Variants in SDCCAG8 observed in about 807,000 individuals in gnomAD.
The protein encoded by SDCCAG8 is serologically defined colon cancer antigen 8.
In SDCCAG8, 74 loss-of-function variants were observed where a neutral mutation model predicts 101.8. The ratio of observed to expected loss-of-function variants is 0.73; its 90% CI spans 0.60 to 0.88. SDCCAG8 has a LOEUF of 0.88. Among genes scored for constraint, SDCCAG8 ranks in the 40% least tolerant of loss-of-function variants. The pLI, the probability that SDCCAG8 is intolerant of heterozygous loss-of-function variation, is 0.00. For synonymous variants in SDCCAG8, 281 were observed against 292.9 expected (o/e 0.96, Z 0.41); for missense variants, 787 against 822.6 (o/e 0.96, Z 0.53).
chr1:243,379,047 G>A (rs1269373588), intron 13 of SDCCAG8, among the ~76,000 whole-genome samples, 184 bp downstream of exon 13: 2 of 152,274 alleles, frequency 1.3e-5, no homozygotes, highest in East Asian at 3.9e-4. Context: ...AAGTGTGGCA[G>A]GGAATTACTG....
At chr1:243,492,036 C>T (rs930533792) in intron 17 of SDCCAG8, among the ~76,000 whole-genome samples, 7 of 152,108 alleles carry the variant, frequency 4.6e-5, no homozygotes, top group African/African-American at 1.4e-4. Context: ...GCCCCGCTGC[C>T]CCTGGTGGTG....
At chr1:243,439,622 T>TCACACACACACA (rs60044857) in intron 16 of SDCCAG8, among the ~76,000 whole-genome samples, 6,452 of 120,052 alleles carry the variant, frequency 0.054, 341 homozygotes, top group African/African-American at 0.089. Flanking sequence ...TGAGACTCCA[T>TCACACACACACA]CACACACACA....
At chr1:243,267,758 A>G (rs2067745311) in intron 1 of SDCCAG8, 3 of 802,694 alleles carry the variant, frequency 3.7e-6, no homozygotes, top group Non-Finnish European at 6.8e-6. Flanking sequence ...GGCGATCCTT[A>G]GAGCCACTCA....
At chr1:243,491,110 C>T (rs578177873) in intron 17 of SDCCAG8, among the ~76,000 whole-genome samples, 1 of 152,336 alleles carries the variant, frequency 6.6e-6, no homozygotes, top group Admixed American at 6.5e-5. Context: ...GGGCTCTGGA[C>T]TAGATCAGGA....
chr1:243,307,357 T>G, intron 7 of SDCCAG8: 1 of 976,806 alleles, frequency 1.0e-6, no homozygotes. Flanking sequence ...ATCTTATGAC[T>G]GGCAAGTTCT....
chr1:243,281,650 CT>C (rs35028868), intron 4 of SDCCAG8, among the ~76,000 whole-genome samples: 3,243 of 113,722 alleles, frequency 0.029, 93 homozygotes, highest in African/African-American at 0.094. Flanking sequence ...CCTTCTCTGG[CT>C]TTTTTTTTTT....
chr1:243,271,398 A>T (rs890374567), intron 3 of SDCCAG8, among the ~76,000 whole-genome samples: 11 of 149,808 alleles, frequency 7.3e-5, no homozygotes, highest in Non-Finnish European at 1.6e-4. Flanking sequence ...TATGTAAAAG[A>T]TAAAGTCATT....
In SDCCAG8 at chr1:243,452,587, C is replaced by CTA. The variant is rs545644873; in HGVS notation, c.1985+26039_1985+26040dup. Among the ~76,000 whole-genome samples the CTA allele has an allele frequency of 1.7e-4, 25 of 151,332 alleles. No homozygotes were observed. The South Asian group carries it at 4.2e-3, about 25-fold the overall frequency. Reference sequence around the variant, plus strand: ...GTTAAGTGTGCACTATCACACCTGGCTATATATATATGTATATATTTTAGA... The same window carrying CTA: ...GTTAAGTGTGCACTATCACACCTGGCTATATATATATATGTATATATTTTAGA... On this transcript the variant is annotated intron_variant, in intron 16 of 17. Coordinates refer to ENST00000366541, the MANE Select transcript of SDCCAG8 (RefSeq NM_006642.5).
intron 9 of SDCCAG8, among the ~76,000 whole-genome samples, chr1:243,321,736 G>A (rs1391848964): frequency 6.6e-6 from 1 of 151,894 alleles, no homozygotes; most frequent in South Asian, 2.1e-4. Context: ...TGTAACCTCC[G>A]CCTCCAGATT....
chr1:243,294,079 A>AT (rs762317431), intron 6 of SDCCAG8, among the ~76,000 whole-genome samples: 2 of 152,116 alleles, frequency 1.3e-5, no homozygotes, highest in Non-Finnish European at 2.9e-5. Context: ...TAACACAGTC[A>AT]TTTTAAAGTC....
Position 243,318,609 on chromosome 1 carries a change from G to A in SDCCAG8, c.1068+1716G>A, listed in dbSNP as rs139912983. On this transcript the variant is annotated intron_variant, in intron 9 of 17. Transcript: ENST00000366541. Reference sequence around the variant, plus strand: ...ATCCAGTTCATCCATAACTCTTCCCGTTTGACCCTCATGCCTTTTGAAACT... The same window carrying A: ...ATCCAGTTCATCCATAACTCTTCCCATTTGACCCTCATGCCTTTTGAAACT... 220 of 981,298 alleles carry A rather than the reference G, an allele frequency of 2.2e-4. No individual in the cohort carries two copies. The African/African-American group carries it at 3.6e-3, about 16-fold the overall frequency. The allele number at this position is 981,298 out of a possible 1,614,324, so 60.8% of individuals were successfully genotyped here. A position where few individuals can be genotyped will look rare whatever the true frequency, so the allele number is the denominator to read the frequency against.
At chr1:243,391,094 C>T (rs1238882127) in intron 13 of SDCCAG8, among the ~76,000 whole-genome samples, 1 of 152,146 alleles carries the variant, frequency 6.6e-6, no homozygotes, top group Non-Finnish European at 1.5e-5. Context: ...CCACTGTGCC[C>T]GCCTTTGATA....
intron 16 of SDCCAG8, among the ~76,000 whole-genome samples, chr1:243,437,536 T>A (rs1574040822): frequency 1.3e-5 from 2 of 151,130 alleles, no homozygotes; most frequent in South Asian, 4.2e-4. Flanking sequence ...GAATTCTTTT[T>A]TTTTTTTTTT....
intron 1 of SDCCAG8, among the ~76,000 whole-genome samples, chr1:243,258,570 AATTTTT>A (rs2066943915): frequency 7.9e-5 from 12 of 152,032 alleles, no homozygotes; most frequent in African/African-American, 1.2e-4. Flanking sequence ...ATGCCCGGCT[AATTTTT>A]GTATTTTTAG....
intron 17 of SDCCAG8, among the ~76,000 whole-genome samples, chr1:243,492,458 C>T (rs376403754): frequency 6.6e-6 from 1 of 151,624 alleles, no homozygotes; most frequent in Non-Finnish European, 1.5e-5. Flanking sequence ...CCCACCACCA[C>T]ACCTAGCTAA....
chr1:243,264,958 A>G (rs1321281756), intron 1 of SDCCAG8, among the ~76,000 whole-genome samples: 1 of 152,222 alleles, frequency 6.6e-6, no homozygotes, highest in Non-Finnish European at 1.5e-5. Flanking sequence ...TCCCATTAGC[A>G]GTTGGATAGG....
At chr1:243,424,620 C>T (rs920867519) in intron 15 of SDCCAG8, among the ~76,000 whole-genome samples, 6 of 152,008 alleles carry the variant, frequency 3.9e-5, no homozygotes, top group Non-Finnish European at 7.4e-5. Context: ...TAAATAGCCA[C>T]ATTATCAGAA....
At chr1:243,342,328 G>A (rs780777385) in intron 11 of SDCCAG8, among the ~76,000 whole-genome samples, 2 of 152,232 alleles carry the variant, frequency 1.3e-5, no homozygotes, top group Non-Finnish European at 2.9e-5. Context: ...TCAGAAGAGC[G>A]ATTAGACTAA....
intron 1 of SDCCAG8, among the ~76,000 whole-genome samples, chr1:243,265,865 C>G (rs1052100111): frequency 6.6e-6 from 1 of 151,786 alleles, no homozygotes; most frequent in African/African-American, 2.4e-5. Flanking sequence ...AGAACTCTGC[C>G]TACAGAGGCT....
Sources: gnomAD v4.1 joint callset for allele counts (sites outside exome capture counted in the v4.1 genomes callset) on GRCh38, gnomAD v4.1.1 for gene constraint, MANE v1.5 for transcripts, NCBI Gene and HGNC (gene_info 2026-07-23, HGNC 2026-07-21) for gene names.